DENND1A: variants seen among roughly 807,000 people sequenced by gnomAD.
The protein encoded by DENND1A is DENN domain-containing protein 1A.
In DENND1A, 51 loss-of-function variants were observed where a neutral mutation model predicts 113.7. The observed-to-expected ratio is 0.45, with a 90% CI of 0.36 to 0.57. DENND1A has a LOEUF of 0.57. Ranked by LOEUF, DENND1A falls within the 20% of genes least tolerant of loss-of-function variation. DENND1A has a pLI of 0.00. For missense variants in DENND1A, 1,258 were observed against 1,395.9 expected, an observed-to-expected ratio of 0.90 and a Z score of 1.57; for synonymous variants, 565 against 570.8, an observed-to-expected ratio of 0.99 and a Z score of 0.14.
chr9:123,451,651 C>T (rs1003943926), intron 17 of DENND1A, among the ~76,000 whole-genome samples: 4 of 152,212 alleles, frequency 2.6e-5, no homozygotes, highest in African/African-American at 9.6e-5. Context: ...CTTTGCCAGA[C>T]ACCAGATAGA....
chr9:123,513,213 G>T (rs993772607), intron 13 of DENND1A, among the ~76,000 whole-genome samples: 2 of 152,166 alleles, frequency 1.3e-5, no homozygotes, highest in African/African-American at 2.4e-5. Context: ...GGTCCTCCTT[G>T]TTCACCCCAC....
intron 5 of DENND1A, among the ~76,000 whole-genome samples, chr9:123,682,804 C>G (rs935488872): frequency 2.6e-5 from 4 of 152,190 alleles, no homozygotes; most frequent in African/African-American, 9.7e-5. Context: ...ATCCAGAACA[C>G]GCTTCCTGTC....
intron 5 of DENND1A, among the ~76,000 whole-genome samples, chr9:123,749,540 A>T (rs1409041507): frequency 6.6e-6 from 1 of 152,206 alleles, no homozygotes; most frequent in Non-Finnish European, 1.5e-5. Context: ...AATGGAGATA[A>T]TTTCATAAGA....
intron 19 of DENND1A, among the ~76,000 whole-genome samples, chr9:123,420,567 G>A (rs1247259415): frequency 6.6e-6 from 1 of 152,164 alleles, no homozygotes; most frequent in East Asian, 1.9e-4. Flanking sequence ...TCTCCGGCTG[G>A]GTCCGGGCAC....
intron 5 of DENND1A, among the ~76,000 whole-genome samples, chr9:123,728,506 A>AAAAAAAAAAAAC (rs1564150268): frequency 4.1e-5 from 6 of 145,900 alleles, no homozygotes; most frequent in African/African-American, 1.6e-4. Context: ...AAAAAAAAAA[A>AAAAAAAAAAAAC]AAAACAGGCA....
At chr9:123,821,227 T>C (rs1292854089) in intron 2 of DENND1A, among the ~76,000 whole-genome samples, 2 of 152,206 alleles carry the variant, frequency 1.3e-5, no homozygotes, top group Admixed American at 1.3e-4. Context: ...GAAAAAAATA[T>C]GCAGTATTCT....
rs191115210 is a variant in DENND1A at position 123,876,632 on chromosome 9, A to T, written c.88+2319T>A. ...ATGCAGCAAAATAATAACAATTGAC[A>T]AATCTAAGGAAAGAGCATACGCACT... On this transcript the variant is annotated intron_variant, in intron 2 of 23. Transcript: ENST00000394215. Among the ~76,000 whole-genome samples, 22 of 152,330 alleles carry T rather than the reference A, an allele frequency of 1.4e-4. No individual in the cohort carries two copies. The East Asian group carries it at 4.2e-3, about 29-fold the overall frequency.
chr9:123,787,189 C>T (rs991028195), intron 3 of DENND1A, among the ~76,000 whole-genome samples: 9 of 151,998 alleles, frequency 5.9e-5, no homozygotes, highest in Non-Finnish European at 1.2e-4. Context: ...CAAAATTTAT[C>T]ATTTGTTTTA....
chr9:123,687,265 C>T (rs1401819375), intron 5 of DENND1A, among the ~76,000 whole-genome samples: 1 of 152,196 alleles, frequency 6.6e-6, no homozygotes, highest in Non-Finnish European at 1.5e-5. Flanking sequence ...GAGCTCTGAA[C>T]TTGAATTTAT....
chr9:123,454,835 A>T (rs1588616309), intron 15 of DENND1A, 56 bp from the exon 16 acceptor site: 301 of 1,263,236 alleles, frequency 2.4e-4, no homozygotes, highest in Non-Finnish European at 3.1e-4. Flanking sequence ...TGTCCTTGGG[A>T]GTCCTTAAAA....
chr9:123,645,870 T>C (rs1481063101), intron 9 of DENND1A, among the ~76,000 whole-genome samples: 1 of 152,240 alleles, frequency 6.6e-6, no homozygotes, highest in African/African-American at 2.4e-5. Flanking sequence ...TCACGAATTC[T>C]TGGTTTCACA....
intron 2 of DENND1A, among the ~76,000 whole-genome samples, chr9:123,839,465 C>A (rs914607451): frequency 6.6e-6 from 1 of 152,184 alleles, no homozygotes; most frequent in Non-Finnish European, 1.5e-5. Flanking sequence ...AACAGGAGTA[C>A]AAACCTTATA....
At chr9:123,660,020 T>C (rs894208458) in intron 8 of DENND1A, among the ~76,000 whole-genome samples, 2 of 152,148 alleles carry the variant, frequency 1.3e-5, no homozygotes, top group Non-Finnish European at 1.5e-5. Flanking sequence ...AAAAAACATT[T>C]CTTTTCTTTT....
At chr9:123,698,692 G>C (rs2065680740) in intron 5 of DENND1A, among the ~76,000 whole-genome samples, 1 of 152,174 alleles carries the variant, frequency 6.6e-6, no homozygotes, top group Non-Finnish European at 1.5e-5. Flanking sequence ...CAGAAGATAT[G>C]CATTCCTATA....
intron 2 of DENND1A, among the ~76,000 whole-genome samples, chr9:123,825,464 A>T (rs1165477053): frequency 6.6e-6 from 1 of 152,124 alleles, no homozygotes; most frequent in East Asian, 1.9e-4. Context: ...GAAAGTCAGG[A>T]CTCATATTCC....
chr9:123,520,786 A>G (rs996756745), intron 13 of DENND1A, among the ~76,000 whole-genome samples: 1 of 152,202 alleles, frequency 6.6e-6, no homozygotes, highest in African/African-American at 2.4e-5. Flanking sequence ...GCTTCCTGGT[A>G]CCTGACTCTG....
intron 4 of DENND1A, 70 bp downstream of exon 4, chr9:123,769,444 A>C: frequency 7.6e-7 from 1 of 1,317,026 alleles, no homozygotes; most frequent in Non-Finnish European, 1.1e-6. Flanking sequence ...TAAGAATGGT[A>C]TGGTTTTTAT....
intron 22 of DENND1A, among the ~76,000 whole-genome samples, chr9:123,386,745 C>A (rs2042584201): frequency 6.6e-6 from 1 of 152,146 alleles, no homozygotes; most frequent in South Asian, 2.1e-4. Context: ...TCCCCAGTGA[C>A]CTGCTGGCAG....
Position 123,589,668 on chromosome 9 carries a change from A to C in DENND1A, c.766-6398T>G, listed in dbSNP as rs1471005738. On this transcript the variant is annotated intron_variant, in intron 11 of 23. Coordinates refer to ENST00000394215, the MANE Select transcript of DENND1A (RefSeq NM_001352964.2). Reference sequence around the variant, plus strand: ...GAATGAAAAAAAAAAAAAAAAAAAAAAAAAACTGACATGCACACTGGCTTT... The same window carrying C: ...GAATGAAAAAAAAAAAAAAAAAAAACAAAAACTGACATGCACACTGGCTTT... Among the ~76,000 whole-genome samples the C allele has an allele frequency of 3.3e-5, 5 of 151,634 alleles. No homozygotes were observed. In the East Asian group the frequency reaches 9.6e-4, roughly 29 times the overall value.
Sources: gnomAD v4.1 joint callset for allele counts (sites outside exome capture counted in the v4.1 genomes callset) on GRCh38, gnomAD v4.1.1 for gene constraint, MANE v1.5 for transcripts, NCBI Gene and HGNC (gene_info 2026-07-23, HGNC 2026-07-21) for gene names.